Variants in CEP112 observed in about 807,000 individuals in gnomAD.
The protein encoded by CEP112 is centrosomal protein of 112 kDa.
Under a neutral mutation model 153.0 loss-of-function variants are expected in CEP112, and 127 were observed. The observed-to-expected ratio is 0.83, with a 90% CI of 0.72 to 0.96. The LOEUF (loss-of-function observed/expected upper bound fraction) is 0.96. Ranked by LOEUF, CEP112 falls within the 40% of genes least tolerant of loss-of-function variation. The pLI is 0.00. For synonymous variants in CEP112, 358 were observed against 374.4 expected (o/e 0.96, Z 0.51); for missense variants, 1,089 against 1,101.2 (o/e 0.99, Z 0.16).
chr17:66,131,527 G>T (rs1043155155), intron 5 of CEP112, among the ~76,000 whole-genome samples: 6 of 151,682 alleles, frequency 4.0e-5, no homozygotes, highest in African/African-American at 1.2e-4. Flanking sequence ...GGATCACGAG[G>T]TCAGGAGATC....
At position 65,826,205 on chromosome 17, in the gene CEP112, T is replaced by C. The variant is rs374112500; in HGVS notation, c.2394+25599A>G. 8.1e-6 allele frequency: 13 copies of C among 1,614,118 alleles called. No homozygotes were observed. The South Asian group carries it at 9.9e-5, about 12-fold the overall frequency. ...CTTCAAACTTCCTGCCTGCTCTGTCTTGGGGACATTACCATTCTCTTCTCT... is the reference window on the plus strand; with the variant it reads ...CTTCAAACTTCCTGCCTGCTCTGTCCTGGGGACATTACCATTCTCTTCTCT... On this transcript the variant is annotated intron_variant, in intron 21 of 26. Transcript: ENST00000535342.
intron 6 of CEP112, among the ~76,000 whole-genome samples, chr17:66,104,325 C>T (rs2068690065): frequency 6.6e-6 from 1 of 152,154 alleles, no homozygotes; most frequent in South Asian, 2.1e-4. Flanking sequence ...AGTCCCAAGG[C>T]CCCCAGTCCA....
At chr17:65,895,269 C>T (rs2059619988) in intron 20 of CEP112, among the ~76,000 whole-genome samples, 1 of 151,934 alleles carries the variant, frequency 6.6e-6, no homozygotes, top group African/African-American at 2.4e-5. Context: ...TAAAGGGTTG[C>T]ATAAGAGAAT....
chr17:65,825,592 A>G (rs2056799056), intron 21 of CEP112, among the ~76,000 whole-genome samples: 1 of 152,206 alleles, frequency 6.6e-6, no homozygotes, highest in African/African-American at 2.4e-5. Context: ...TACAAAATAA[A>G]AAAAAATTCT....
At chr17:65,639,226 A>C (rs1234278229) in intron 25 of CEP112, among the ~76,000 whole-genome samples, 1 of 152,218 alleles carries the variant, frequency 6.6e-6, no homozygotes, top group Non-Finnish European at 1.5e-5. Context: ...TCCACATTTT[A>C]TCTTACATAC....
At chr17:65,638,695 C>A (rs188589836) in intron 25 of CEP112, among the ~76,000 whole-genome samples, 1 of 152,158 alleles carries the variant, frequency 6.6e-6, no homozygotes, top group South Asian at 2.1e-4. Context: ...TCTCAAAAAA[C>A]ACAGGCACCT....
At chr17:66,059,277 G>A (rs538647776) in intron 11 of CEP112, among the ~76,000 whole-genome samples, 3 of 152,110 alleles carry the variant, frequency 2.0e-5, no homozygotes, top group South Asian at 2.1e-4. Context: ...AAAAGCAATT[G>A]CAACAAAAAT....
chr17:65,657,306 T>C (rs915092256), intron 24 of CEP112, among the ~76,000 whole-genome samples: 2 of 152,252 alleles, frequency 1.3e-5, no homozygotes, highest in African/African-American at 4.8e-5. Flanking sequence ...CCTAATATTT[T>C]TTCTTTCCTT....
chr17:65,660,821 C>T (rs1485483874), intron 24 of CEP112, among the ~76,000 whole-genome samples: 2 of 152,114 alleles, frequency 1.3e-5, no homozygotes, highest in African/African-American at 4.8e-5. Flanking sequence ...TTTGGCTTCC[C>T]ACAGCGCCGC....
At chr17:65,683,370 T>A (rs1015738333) in intron 24 of CEP112, among the ~76,000 whole-genome samples, 2 of 152,212 alleles carry the variant, frequency 1.3e-5, no homozygotes, top group African/African-American at 4.8e-5. Context: ...AGACCTTTAA[T>A]GCTTGCAAAA....
intron 23 of CEP112, among the ~76,000 whole-genome samples, chr17:65,738,160 T>G (rs2050910847): frequency 6.6e-6 from 1 of 152,108 alleles, no homozygotes; most frequent in South Asian, 2.1e-4. Flanking sequence ...AAGTAAAAAC[T>G]GTGGGAATGG....
chr17:66,021,725 T>C (rs2065006990), intron 16 of CEP112, among the ~76,000 whole-genome samples: 1 of 152,168 alleles, frequency 6.6e-6, no homozygotes, highest in Non-Finnish European at 1.5e-5. Context: ...CTGTCAGGGC[T>C]GGTGCTTGTG....
intron 23 of CEP112, among the ~76,000 whole-genome samples, chr17:65,737,728 T>C (rs977868276): frequency 1.6e-4 from 24 of 152,192 alleles, no homozygotes; most frequent in African/African-American, 5.8e-4. Flanking sequence ...TCAGTTTCAC[T>C]TACAAGGAGA....
chr17:66,040,514 C>G (rs1435143843), intron 12 of CEP112, among the ~76,000 whole-genome samples: 2 of 108,224 alleles, frequency 1.8e-5, no homozygotes, highest in African/African-American at 7.2e-5. Context: ...TTTTTTGAGA[C>G]AGAGTCTTGC....
intron 23 of CEP112, among the ~76,000 whole-genome samples, chr17:65,723,504 C>A (rs2050009834): frequency 6.6e-6 from 1 of 152,124 alleles, no homozygotes. Context: ...TTGGGAGGAA[C>A]CTGAGAAGAG....
At chr17:65,818,459 C>A (rs1221528100) in intron 21 of CEP112, among the ~76,000 whole-genome samples, 3 of 151,780 alleles carry the variant, frequency 2.0e-5, no homozygotes, top group African/African-American at 7.2e-5. Flanking sequence ...CTTACTACTC[C>A]CCCACCATCC....
At chr17:65,769,679 C>T (rs1018302548) in intron 21 of CEP112, among the ~76,000 whole-genome samples, 3 of 151,906 alleles carry the variant, frequency 2.0e-5, no homozygotes, top group Non-Finnish European at 4.4e-5. Context: ...ATAGTTTCTT[C>T]GATAAATAGT....
At chr17:65,653,468 G>A (rs2045890381) in intron 24 of CEP112, among the ~76,000 whole-genome samples, 1 of 152,094 alleles carries the variant, frequency 6.6e-6, no homozygotes, top group Admixed American at 6.6e-5. Flanking sequence ...GCAGGAGGAG[G>A]GGAGGGAGAA....
intron 21 of CEP112, among the ~76,000 whole-genome samples, chr17:65,777,276 A>T (rs912648261): frequency 1.2e-4 from 19 of 152,228 alleles, no homozygotes; most frequent in Admixed American, 2.0e-4. Context: ...GCATAGGGTA[A>T]GCCAGACTGT....
Sources: allele counts gnomAD v4.1 joint callset (sites outside exome capture counted in the v4.1 genomes callset), GRCh38; gene constraint gnomAD v4.1.1; transcripts MANE v1.5; gene names NCBI Gene and HGNC (gene_info 2026-07-23, HGNC 2026-07-21).